Variants in SMIM7 observed in about 807,000 individuals in gnomAD.
SMIM7 encodes small integral membrane protein 7, also known as UPF0608 protein C19orf42.
In SMIM7, 12 loss-of-function variants were observed where a neutral mutation model predicts 13.3. That is an observed-to-expected ratio of 0.90 (90% CI 0.58 to 1.46). The LOEUF (loss-of-function observed/expected upper bound fraction) is 1.46. Among genes scored for constraint, SMIM7 ranks in the 40% most tolerant of loss-of-function variants. SMIM7 has a pLI of 0.00. For missense variants in SMIM7, 114 were observed against 94.8 expected (o/e 1.20, Z -0.84); for synonymous variants, 36 against 35.8 (o/e 1.01, Z -0.02).
At chr19:16,638,984 CT>C in intron 4 of SMIM7, 1 of 152,272 alleles carries the variant, frequency 6.6e-6, no homozygotes, top group South Asian at 2.1e-4. Flanking sequence ...AGATGTAAAG[CT>C]TTATTTCCCC....
intron 4 of SMIM7, among the ~76,000 whole-genome samples, chr19:16,653,191 C>T (rs1243671246): frequency 2.0e-5 from 3 of 152,226 alleles, no homozygotes; most frequent in Non-Finnish European, 4.4e-5. Context: ...GGCTGGAGAA[C>T]TCCATGTTCC....
At chr19:16,648,533 C>G (rs1487956149) in intron 4 of SMIM7, among the ~76,000 whole-genome samples, 1 of 152,124 alleles carries the variant, frequency 6.6e-6, no homozygotes, top group East Asian at 1.9e-4. Context: ...GCAAAATACG[C>G]ACGTGATAAT....
intron 4 of SMIM7, among the ~76,000 whole-genome samples, chr19:16,635,895 A>ATATATAT (rs1225099534): frequency 3.0e-5 from 4 of 132,576 alleles, no homozygotes; most frequent in African/African-American, 1.3e-4. Flanking sequence ...AAAAAAAAAA[A>ATATATAT]AAAAATATAT....
intron 4 of SMIM7, among the ~76,000 whole-genome samples, chr19:16,649,566 C>A (rs772596681): frequency 1.4e-4 from 22 of 152,136 alleles, no homozygotes; most frequent in Non-Finnish European, 2.8e-4. Flanking sequence ...GAGCGAGACT[C>A]TGTCTCCAAA....
chr19:16,647,782 G>A (rs1001527411), intron 4 of SMIM7, among the ~76,000 whole-genome samples: 1 of 151,996 alleles, frequency 6.6e-6, no homozygotes, highest in Non-Finnish European at 1.5e-5. Flanking sequence ...AAGGGAAAGC[G>A]GTACAGCTGT....
intron 4 of SMIM7, among the ~76,000 whole-genome samples, chr19:16,647,522 C>T (rs2086465588): frequency 6.7e-6 from 1 of 149,356 alleles, no homozygotes; most frequent in South Asian, 2.1e-4. Flanking sequence ...GTGGTGCGAT[C>T]TCAGCTCGCT....
At chr19:16,653,794 C>G (rs751571722) in intron 4 of SMIM7, 2 of 483,234 alleles carry the variant, frequency 4.1e-6, no homozygotes, top group Middle Eastern at 5.4e-4. Context: ...ACTCGGGAGG[C>G]TGAGGCAGGA....
chr19:16,654,337 T>A (rs1179950166), intron 3 of SMIM7, among the ~76,000 whole-genome samples: 1 of 152,058 alleles, frequency 6.6e-6, no homozygotes, highest in Non-Finnish European at 1.5e-5. Context: ...CAAGCCCCTC[T>A]GCCTCTGATT....
downstream of SMIM7, chr19:16,645,588 G>C (rs1029227883): frequency 6.6e-6 from 1 of 151,822 alleles, no homozygotes; most frequent in Non-Finnish European, 1.5e-5. Context: ...GGTCTAGCAA[G>C]AGCCCACCAT....
intron 4 of SMIM7, among the ~76,000 whole-genome samples, chr19:16,639,120 AT>A (rs1286703534): frequency 0.045 from 5,945 of 133,422 alleles, 87 homozygotes; most frequent in Middle Eastern, 0.057. Context: ...GTAAGATGTC[AT>A]TTTTTTTTTT....
Position 16,647,224 on chromosome 19 carries a change from T to C in SMIM7, c.*22A>G. On this transcript the variant is annotated 3_prime_UTR_variant, in exon 5 of 5. Transcript: ENST00000487416. ...AGACTCGGCATCCCGGGAAAGTGAGTTCCTGGTTTCATCGCTGGGATTCAA... is the reference window on the plus strand; with the variant it reads ...AGACTCGGCATCCCGGGAAAGTGAGCTCCTGGTTTCATCGCTGGGATTCAA... The C allele has an allele frequency of 6.2e-7, 1 of 1,613,792 alleles. No individual in the cohort carries two copies. Among genetic ancestry groups the C allele is most frequent in the African/African-American group, 1.3e-5 (1 of 74,936 alleles).
In SMIM7 at chr19:16,653,810, G is replaced by A. The variant is rs967251977; in HGVS notation, c.212+225C>T. ...CTCGGGAGGCTGAGGCAGGAGAATC[G>A]CTTAGACCTAAGAGGCCGAGGTTGC... On this transcript the variant is annotated intron_variant, in intron 4 of 4. Coordinates refer to ENST00000487416, the MANE Select transcript of SMIM7 (RefSeq NM_024104.4). The A allele has an allele frequency of 1.5e-5, 8 of 519,576 alleles. 1 individual carries two copies. Among genetic ancestry groups the A allele is most frequent in the East Asian group, 6.7e-5 (2 of 29,950 alleles). 32.2% of individuals were successfully genotyped at this position (519,576 alleles called of 1,614,324 possible).
chr19:16,649,756 G>A (rs978299564), intron 4 of SMIM7, among the ~76,000 whole-genome samples: 1 of 152,140 alleles, frequency 6.6e-6, no homozygotes, highest in Non-Finnish European at 1.5e-5. Flanking sequence ...ATGGAAAACT[G>A]GGGAATAGTC....
Position 16,660,013 on chromosome 19 carries a change from A to G in SMIM7, c.27-13T>C. On this transcript the variant is annotated splice_polypyrimidine_tract_variant and intron_variant, in intron 1 of 4. Coordinates refer to ENST00000487416, the MANE Select transcript of SMIM7 (RefSeq NM_024104.4). ...CATCAGCAACGTCCTGCAGAGGGAG[A>G]ATTACAGTTACTAGGGGCGCCCCCG... is the stretch of plus-strand genomic sequence containing the variant. 1 of 1,613,978 alleles carries G rather than the reference A, an allele frequency of 6.2e-7. No individual in the cohort carries two copies. The highest frequency in any genetic ancestry group is 2.2e-5 in the East Asian group (1 of 44,868).
At chr19:16,632,009 A>C (rs1175112577) in intron 4 of SMIM7, among the ~76,000 whole-genome samples, 1 of 151,860 alleles carries the variant, frequency 6.6e-6, no homozygotes, top group South Asian at 2.1e-4. Flanking sequence ...AGCTGGGACT[A>C]CAGGCGGGTG....
chr19:16,658,697 A>C (rs1037878848), intron 3 of SMIM7, among the ~76,000 whole-genome samples: 5 of 152,144 alleles, frequency 3.3e-5, no homozygotes, highest in Non-Finnish European at 7.3e-5. Context: ...GGTCTGCAGC[A>C]CTCTGAAAGC....
intron 2 of SMIM7, chr19:16,659,727 T>G (rs1599380509): frequency 3.0e-6 from 2 of 659,996 alleles, no homozygotes; most frequent in Non-Finnish European, 5.2e-6. Context: ...GGGCTTAAGC[T>G]CTCCAGGAAG....
intron 4 of SMIM7, among the ~76,000 whole-genome samples, chr19:16,648,852 C>A (rs1414242694): frequency 2.0e-5 from 3 of 151,354 alleles, no homozygotes; most frequent in Non-Finnish European, 4.4e-5. Flanking sequence ...CTTGTAGAGA[C>A]AAGAAGTACA....
chr19:16,657,448 T>C (rs2086610628), intron 3 of SMIM7, among the ~76,000 whole-genome samples: 1 of 152,124 alleles, frequency 6.6e-6, no homozygotes, highest in Admixed American at 6.5e-5. Flanking sequence ...GCTGAGTCAA[T>C]GTATGAATGG....
Sources: gnomAD v4.1 joint callset for allele counts (sites outside exome capture counted in the v4.1 genomes callset) on GRCh38, gnomAD v4.1.1 for gene constraint, MANE v1.5 for transcripts, NCBI Gene and HGNC (gene_info 2026-07-23, HGNC 2026-07-21) for gene names.